Variants in DLG1 observed in about 807,000 individuals in gnomAD.
The protein encoded by DLG1 is discs large MAGUK scaffold protein 1.
DLG1 carries 42 observed loss-of-function variants against 123.4 expected under a neutral mutation model. The ratio of observed to expected loss-of-function variants is 0.34; its 90% CI spans 0.27 to 0.44. DLG1 has a LOEUF of 0.44. Ranked by LOEUF, DLG1 falls within the 20% of genes least tolerant of loss-of-function variation. The pLI is 1.00. For missense variants in DLG1, 942 were observed against 1,082.6 expected (o/e 0.87, Z 1.82); for synonymous variants, 317 against 356.2 (o/e 0.89, Z 1.24).
rs144590280 is a variant in DLG1 at position 197,111,131 on chromosome 3, G to A, written c.1443+4796C>T. 3.7e-3 allele frequency among the ~76,000 whole-genome samples: 567 copies of A among 152,250 alleles called. 3 individuals are homozygous for A. The highest frequency in any genetic ancestry group is 0.013 in the African/African-American group (536 of 41,546). ...GTTCAGTAAGCATTAAAATTTTAAG[G>A]TTACTGATGCATATTGCTAAACATA... On this transcript the variant is annotated intron_variant, in intron 13 of 24. Coordinates refer to ENST00000667157, the MANE Select transcript of DLG1 (RefSeq NM_001366207.1).
intron 23 of DLG1, among the ~76,000 whole-genome samples, chr3:197,051,949 C>T (rs750207660): frequency 3.4e-5 from 5 of 145,592 alleles, no homozygotes; most frequent in African/African-American, 5.1e-5. Context: ...TCAAGTGATT[C>T]TCCTGCCCCC....
chr3:197,225,606 C>G (rs898962761), intron 4 of DLG1, among the ~76,000 whole-genome samples: 1 of 152,168 alleles, frequency 6.6e-6, no homozygotes. Context: ...CACATAAAAA[C>G]CAAGTCAATA....
intron 1 of DLG1, chr3:197,297,691 C>T: frequency 1.0e-6 from 1 of 989,234 alleles, no homozygotes. Context: ...TTGCTCGCTG[C>T]CTCCGGGCTG....
At chr3:197,104,234 T>C (rs899694315) in intron 14 of DLG1, among the ~76,000 whole-genome samples, 5 of 152,152 alleles carry the variant, frequency 3.3e-5, no homozygotes, top group Non-Finnish European at 7.3e-5. Flanking sequence ...GCTTATGGTT[T>C]TTATTATTTT....
At chr3:197,112,133 T>C in intron 13 of DLG1, among the ~76,000 whole-genome samples, 1 of 152,238 alleles carries the variant, frequency 6.6e-6, no homozygotes, top group Non-Finnish European at 1.5e-5. Context: ...CTCCACATCC[T>C]CATCAATGAA....
intron 4 of DLG1, among the ~76,000 whole-genome samples, chr3:197,200,304 A>T (rs965736964): frequency 1.3e-5 from 2 of 152,168 alleles, no homozygotes; most frequent in African/African-American, 4.8e-5. Flanking sequence ...TCTACCCCTC[A>T]AATACTTATT....
chr3:197,092,703 G>A (rs1180229501), intron 14 of DLG1, among the ~76,000 whole-genome samples: 1 of 151,988 alleles, frequency 6.6e-6, no homozygotes, highest in Non-Finnish European at 1.5e-5. Context: ...GCATCTTGCT[G>A]TGTTGCCCAG....
chr3:197,054,335 T>C (rs79439853), intron 23 of DLG1, among the ~76,000 whole-genome samples: 9 of 151,710 alleles, frequency 5.9e-5, no homozygotes, highest in African/African-American at 1.7e-4. Flanking sequence ...CTCTGCCTTC[T>C]CTCTATTCTC....
Position 197,258,723 on chromosome 3 carries a change from A to T in DLG1, c.318+23956T>A, listed in dbSNP as rs117713828. ...GAAAAGAACAAGGGATGGGGTACAC[A>T]CCGCAGCCTTTAGTTCAAAAGAAAA... On this transcript the variant is annotated intron_variant, in intron 4 of 24. Transcript: ENST00000667157. Among the ~76,000 whole-genome samples, 117 of 152,298 alleles carry T rather than the reference A, an allele frequency of 7.7e-4. 1 individual carries two copies. In the East Asian group the frequency reaches 0.021, roughly 28 times the overall value.
intron 5 of DLG1, among the ~76,000 whole-genome samples, chr3:197,150,985 T>C (rs1793577136): frequency 6.6e-6 from 1 of 152,046 alleles, no homozygotes; most frequent in Non-Finnish European, 1.5e-5. Context: ...TAAATAATAG[T>C]CTACCTTTGA....
rs1199160225 is a variant in DLG1 at position 197,296,473 on chromosome 3, G to C, written c.24C>G (p.Thr8=). The C allele has an allele frequency of 6.2e-7, 1 of 1,612,950 alleles. No homozygotes were observed. The highest frequency in any genetic ancestry group is 8.5e-7 in the Non-Finnish European group (1 of 1,179,394). MPVRKQD[T]QRALHLLEEY... is the part of the protein sequence containing the mutation. ...CCTCCAAAAGGTGCAATGCTCTCTG[G>C]GTATCTGAGAAGAAAAAGCAGAGCC... Residue 8 remains threonine, a synonymous_variant, in exon 3 of 25, where the codon ACC becomes ACG. Coordinates refer to ENST00000667157, the MANE Select transcript of DLG1 (RefSeq NM_001366207.1).
intron 4 of DLG1, among the ~76,000 whole-genome samples, chr3:197,250,230 A>C (rs1488079672): frequency 2.0e-5 from 3 of 152,216 alleles, no homozygotes; most frequent in Admixed American, 1.3e-4. Context: ...AATCAACATG[A>C]AAAATCAATA....
chr3:197,188,076 C>G (rs973398331), intron 5 of DLG1, among the ~76,000 whole-genome samples: 1 of 152,164 alleles, frequency 6.6e-6, no homozygotes, highest in Admixed American at 6.5e-5. Flanking sequence ...TAGATTAATT[C>G]ACGGCATGTT....
chr3:197,064,816 T>G (rs566541347), intron 22 of DLG1, among the ~76,000 whole-genome samples: 1 of 152,112 alleles, frequency 6.6e-6, no homozygotes, highest in East Asian at 1.9e-4. Flanking sequence ...TTTTTTTTTC[T>G]TTTTTTAAGA....
At chr3:197,049,576 A>T (rs1247809605) in intron 24 of DLG1, among the ~76,000 whole-genome samples, 3 of 152,106 alleles carry the variant, frequency 2.0e-5, no homozygotes. Context: ...AACATGGGGA[A>T]ACCCCATCTC....
chr3:197,297,296 T>A, intron 1 of DLG1, 61 bp from the exon 2 acceptor site: 1 of 1,590,594 alleles, frequency 6.3e-7, no homozygotes, highest in Non-Finnish European at 8.5e-7. Flanking sequence ...CATTTTCCCC[T>A]ATCGAAATAG....
intron 4 of DLG1, among the ~76,000 whole-genome samples, chr3:197,248,071 A>G (rs985291396): frequency 4.0e-5 from 6 of 151,730 alleles, no homozygotes; most frequent in Non-Finnish European, 8.8e-5. Context: ...GGACTTACTC[A>G]CTCTACACTT....
intron 14 of DLG1, among the ~76,000 whole-genome samples, chr3:197,091,723 C>T (rs182876323): frequency 6.6e-6 from 1 of 152,082 alleles, no homozygotes; most frequent in East Asian, 1.9e-4. Context: ...AAAGTTTAAG[C>T]ACCTTTTCAA....
intron 4 of DLG1, among the ~76,000 whole-genome samples, chr3:197,233,271 T>C (rs930844165): frequency 2.6e-5 from 4 of 152,238 alleles, no homozygotes; most frequent in African/African-American, 7.2e-5. Context: ...GCATTATTAA[T>C]AGAAATTAAA....
Sources: allele counts gnomAD v4.1 joint callset (sites outside exome capture counted in the v4.1 genomes callset), GRCh38; gene constraint gnomAD v4.1.1; transcripts MANE v1.5; gene names NCBI Gene and HGNC (gene_info 2026-07-23, HGNC 2026-07-21).